Variants in CEP162 observed in about 807,000 individuals in gnomAD.
CEP162 encodes the protein centrosomal protein 162, also known as centrosomal protein of 162 kDa.
CEP162 carries 141 observed loss-of-function variants against 169.2 expected under a neutral mutation model. That is an observed-to-expected ratio of 0.83 (90% CI 0.73 to 0.96). The LOEUF is 0.96. Among genes scored for constraint, CEP162 ranks in the 40% least tolerant of loss-of-function variants. The pLI is 0.00. For synonymous variants in CEP162, 540 were observed against 526.4 expected, an observed-to-expected ratio of 1.03 and a Z score of -0.35; for missense variants, 1,600 against 1,587.2, an observed-to-expected ratio of 1.01 and a Z score of -0.14.
At chr6:84,173,675 T>C (rs912088201) in intron 16 of CEP162, among the ~76,000 whole-genome samples, 1 of 149,372 alleles carries the variant, frequency 6.7e-6, no homozygotes, top group Admixed American at 6.6e-5. Flanking sequence ...CAGAGAAGTA[T>C]TTTAATATAC....
At chr6:84,158,981 C>A (rs186585292) in intron 21 of CEP162, among the ~76,000 whole-genome samples, 1 of 151,548 alleles carries the variant, frequency 6.6e-6, no homozygotes, top group East Asian at 1.9e-4. Context: ...AAAAAAAGCA[C>A]AAACACAATC....
At chr6:84,138,771 C>T (rs1588707895) in intron 25 of CEP162, among the ~76,000 whole-genome samples, 2 of 152,150 alleles carry the variant, frequency 1.3e-5, no homozygotes, top group East Asian at 3.9e-4. Context: ...GGTACATATT[C>T]TTTCTTTTAT....
At chr6:84,189,004 A>T (rs1452146247) in intron 11 of CEP162, among the ~76,000 whole-genome samples, 1 of 151,454 alleles carries the variant, frequency 6.6e-6, no homozygotes, top group East Asian at 1.9e-4. Context: ...ATTTTTTCAA[A>T]TGCTTGTTGG....
intron 11 of CEP162, among the ~76,000 whole-genome samples, chr6:84,193,029 A>G (rs1317727513): frequency 6.6e-6 from 1 of 152,264 alleles, no homozygotes; most frequent in Non-Finnish European, 1.5e-5. Context: ...TCTACTTGTT[A>G]TGAGGATCAC....
chr6:84,208,290 A>AT (rs147373358), intron 6 of CEP162, among the ~76,000 whole-genome samples: 1,871 of 152,268 alleles, frequency 0.012, 47 homozygotes, highest in African/African-American at 0.042. Flanking sequence ...CTCTTCCTCA[A>AT]TTTTTAACTT....
intron 17 of CEP162, 82 bp downstream of exon 17, chr6:84,171,524 A>G (rs1218699619): frequency 5.9e-6 from 3 of 505,004 alleles, no homozygotes; most frequent in Non-Finnish European, 1.0e-5. Flanking sequence ...TCTAAGTAAA[A>G]ATAAATGTAT....
At chr6:84,138,856 C>A (rs996717124) in intron 25 of CEP162, among the ~76,000 whole-genome samples, 6 of 152,148 alleles carry the variant, frequency 3.9e-5, no homozygotes, top group Non-Finnish European at 7.4e-5. Flanking sequence ...GTTTTATGTA[C>A]ATCTTAAACA....
intron 9 of CEP162, among the ~76,000 whole-genome samples, chr6:84,197,711 G>A (rs1562072318): frequency 1.3e-5 from 2 of 151,992 alleles, no homozygotes; most frequent in African/African-American, 4.8e-5. Flanking sequence ...CAGCTACTCA[G>A]GAGGCTGAGA....
Position 84,175,328 on chromosome 6 carries a change from T to C in CEP162, c.1683A>G (p.Lys561=). 1 of 1,542,410 alleles carries C rather than the reference T, an allele frequency of 6.5e-7. No individual in the cohort carries two copies. The highest frequency in any genetic ancestry group is 8.7e-7 in the Non-Finnish European group (1 of 1,143,152). Residue 561 remains lysine (K), a synonymous_variant, in exon 14 of 27, where the codon AAA becomes AAG. Coordinates refer to ENST00000403245, the MANE Select transcript of CEP162 (RefSeq NM_014895.4). ...PRKKEILSGT[K]LIKPAALDKP... is the part of the protein sequence containing the mutation. ...TATCCAAAGCTGCAGGCTTGATGAG[T>C]TTTGTTCCAGATAAGATTTCTAAAT...
chr6:84,188,901 T>G (rs1158912516), intron 11 of CEP162, among the ~76,000 whole-genome samples: 1 of 152,160 alleles, frequency 6.6e-6, no homozygotes, highest in African/African-American at 2.4e-5. Flanking sequence ...TTTTTTTGTT[T>G]TTTACTTTTT....
rs1363755171 is a variant in CEP162 at position 84,160,880 on chromosome 6, T to C, written c.2713A>G (p.Ile905Val). 1.1e-5 allele frequency: 18 copies of C among 1,612,832 alleles called. No homozygotes were observed. The highest frequency in any genetic ancestry group is 1.4e-5 in the Non-Finnish European group (16 of 1,179,348). The stretch of plus-strand genomic sequence containing the variant: ...TCTTTTAAGCGTATCTTCTGCCGAA[T>C]AGATGGATTCCCAGATTCAGCTTTC... ...KLKAESGNPS[I>V]RQKIRLKDKA... Residue 905 changes from isoleucine to valine, a missense_variant, in exon 21 of 27, where the codon ATT becomes GTT. By Grantham distance (29) the Ile-to-Val change is conservative. Coordinates refer to ENST00000403245, the MANE Select transcript of CEP162 (RefSeq NM_014895.4).
At chr6:84,191,545 G>A (rs2099539901) in intron 11 of CEP162, among the ~76,000 whole-genome samples, 1 of 152,080 alleles carries the variant, frequency 6.6e-6, no homozygotes, top group Admixed American at 6.5e-5. Flanking sequence ...ATTATATATT[G>A]GGATGGGGGT....
chr6:84,174,054 A>G lies in CEP162; in HGVS notation c.2160T>C (p.Tyr720=). 6.2e-7 allele frequency: 1 copy of G among 1,610,598 alleles called. No individual in the cohort carries two copies. The highest frequency in any genetic ancestry group is 8.5e-7 in the Non-Finnish European group (1 of 1,178,780). Residue 720 remains tyrosine, a synonymous_variant, in exon 16 of 27, where the codon TAT becomes TAC. Transcript: ENST00000403245. ...IQEQETLLQG[Y]QQENERLYNQ... Reference sequence around the variant, plus strand: ...TGTTGAAGAATTGCCATACCTGTTGATATCCTTGAAGAAGTGTCTCTTGTT... The same window carrying G: ...TGTTGAAGAATTGCCATACCTGTTGGTATCCTTGAAGAAGTGTCTCTTGTT...
chr6:84,209,666 CA>C (rs2099548682), intron 6 of CEP162, among the ~76,000 whole-genome samples: 1 of 152,200 alleles, frequency 6.6e-6, no homozygotes, highest in Admixed American at 6.6e-5. Context: ...TAAGCCACCA[CA>C]CCCGGCCTAT....
Position 84,124,776 on chromosome 6 carries a change from T to C in CEP162, c.*294A>G, listed in dbSNP as rs1036579369. ...TTATCAATAAAAATGTGGCGGAGTA[T>C]GTTCAATTTTCTTTTCTTTCTATTT... On this transcript the variant is annotated 3_prime_UTR_variant, in exon 27 of 27. Coordinates refer to ENST00000403245, the MANE Select transcript of CEP162 (RefSeq NM_014895.4). 8.4e-6 allele frequency: 3 copies of C among 356,360 alleles called. No homozygotes were observed. The highest frequency in any genetic ancestry group is 6.6e-5 in the African/African-American group (3 of 45,690). 22.1% of individuals were successfully genotyped at this position (356,360 alleles called of 1,614,324 possible).
intron 21 of CEP162, among the ~76,000 whole-genome samples, chr6:84,158,379 G>A (rs1395379747): frequency 1.3e-5 from 2 of 152,172 alleles, no homozygotes; most frequent in African/African-American, 2.4e-5. Flanking sequence ...CTTTCATCTT[G>A]TTAAGCACTT....
At chr6:84,160,398 T>C (rs374481736) in intron 21 of CEP162, among the ~76,000 whole-genome samples, 1 of 152,196 alleles carries the variant, frequency 6.6e-6, no homozygotes, top group South Asian at 2.1e-4. Context: ...CTGAATGTTT[T>C]GTTTATAGGG....
chr6:84,198,654 C>G (rs1268220577), intron 9 of CEP162, among the ~76,000 whole-genome samples: 1 of 152,086 alleles, frequency 6.6e-6, no homozygotes, highest in African/African-American at 2.4e-5. Flanking sequence ...TACTGTATAA[C>G]TCTAGGTTCT....
intron 11 of CEP162, among the ~76,000 whole-genome samples, chr6:84,189,393 G>A (rs1252974428): frequency 6.6e-6 from 1 of 152,196 alleles, no homozygotes; most frequent in African/African-American, 2.4e-5. Flanking sequence ...GGGAACCGGG[G>A]CTGCGTGCGG....
Sources: gnomAD v4.1 joint callset for allele counts (sites outside exome capture counted in the v4.1 genomes callset) on GRCh38, gnomAD v4.1.1 for gene constraint, MANE v1.5 for transcripts, NCBI Gene and HGNC (gene_info 2026-07-23, HGNC 2026-07-21) for gene names.